Variants in PKN2 observed in about 807,000 individuals in gnomAD.
The protein encoded by PKN2 is serine/threonine-protein kinase N2.
In PKN2, 38 loss-of-function variants were observed where a neutral mutation model predicts 119.1. The ratio of observed to expected loss-of-function variants is 0.32; its 90% CI spans 0.25 to 0.42. The LOEUF (loss-of-function observed/expected upper bound fraction) is 0.42, where lower values mean the gene tolerates loss of function less well. Among genes scored for constraint, PKN2 ranks in the 10% least tolerant of loss-of-function variants. The pLI is 1.00. For missense variants in PKN2, 850 were observed against 1,165.1 expected (o/e 0.73, Z 3.94); for synonymous variants, 390 against 384.9 (o/e 1.01, Z -0.15).
At chr1:88,755,676 T>C (rs1269347686) in intron 2 of PKN2, among the ~76,000 whole-genome samples, 1 of 152,164 alleles carries the variant, frequency 6.6e-6, no homozygotes, top group Non-Finnish European at 1.5e-5. Flanking sequence ...ACCGTCAATT[T>C]GTGGCTAAGG....
intron 12 of PKN2, among the ~76,000 whole-genome samples, chr1:88,806,696 T>C (rs1224497716): frequency 6.6e-6 from 1 of 152,164 alleles, no homozygotes; most frequent in African/African-American, 2.4e-5. Flanking sequence ...ACATACATAA[T>C]AATGTGTTAG....
At chr1:88,733,680 T>C (rs1390246218) in intron 1 of PKN2, among the ~76,000 whole-genome samples, 1 of 152,216 alleles carries the variant, frequency 6.6e-6, no homozygotes, top group East Asian at 1.9e-4. Context: ...GATTTTTAGT[T>C]TGATACAATT....
chr1:88,685,874 T>C (rs915733261), intron 1 of PKN2, among the ~76,000 whole-genome samples: 2 of 152,224 alleles, frequency 1.3e-5, no homozygotes, highest in Admixed American at 6.5e-5. Flanking sequence ...AATCTCTTTA[T>C]AAGTTTGGTT....
intron 8 of PKN2, among the ~76,000 whole-genome samples, chr1:88,790,094 A>G (rs1031831342): frequency 6.6e-6 from 1 of 152,200 alleles, no homozygotes; most frequent in Non-Finnish European, 1.5e-5. Context: ...CTTCCCCATT[A>G]GAAGCATCCT....
At chr1:88,704,415 C>G (rs960473432) in intron 1 of PKN2, among the ~76,000 whole-genome samples, 1 of 152,008 alleles carries the variant, frequency 6.6e-6, no homozygotes, top group African/African-American at 2.4e-5. Flanking sequence ...GGGTTATCAC[C>G]AGGTTTGAGA....
intron 2 of PKN2, among the ~76,000 whole-genome samples, chr1:88,752,380 A>G (rs138028923): frequency 2.6e-5 from 4 of 152,190 alleles, no homozygotes; most frequent in East Asian, 1.9e-4. Context: ...TTATTTCACA[A>G]TCTGTATAGG....
intron 1 of PKN2, among the ~76,000 whole-genome samples, chr1:88,700,050 TG>T (rs1414516561): frequency 6.6e-6 from 1 of 152,160 alleles, no homozygotes; most frequent in African/African-American, 2.4e-5. Context: ...CCCAAAGTGC[TG>T]GAATTACAGG....
chr1:88,742,422 C>T (rs1668611601), intron 2 of PKN2, among the ~76,000 whole-genome samples: 1 of 152,092 alleles, frequency 6.6e-6, no homozygotes, highest in African/African-American at 2.4e-5. Context: ...TATTAGGAGG[C>T]TCTCTGTGTA....
chr1:88,705,878 T>C (rs1666982540), intron 1 of PKN2, among the ~76,000 whole-genome samples: 1 of 152,114 alleles, frequency 6.6e-6, no homozygotes, highest in Admixed American at 6.6e-5. Flanking sequence ...AGTCCCATGC[T>C]GTTTTGATTA....
At chr1:88,733,275 T>G (rs1668214241) in intron 1 of PKN2, among the ~76,000 whole-genome samples, 1 of 152,212 alleles carries the variant, frequency 6.6e-6, no homozygotes, top group South Asian at 2.1e-4. Flanking sequence ...TCATGCTGTT[T>G]TCCATAATGG....
Position 88,824,293 on chromosome 1 carries a change from C to A in PKN2, c.2343-17C>A. 2 of 1,362,386 alleles carry A rather than the reference C, an allele frequency of 1.5e-6. No individual in the cohort carries two copies. Among genetic ancestry groups the A allele is most frequent in the South Asian group, 1.3e-5 (1 of 77,008 alleles). The allele number at this position is 1,362,386 out of a possible 1,614,324, so 84.4% of individuals were successfully genotyped here. On this transcript the variant is annotated splice_polypyrimidine_tract_variant and intron_variant, in intron 17 of 21. Coordinates refer to ENST00000370521, the MANE Select transcript of PKN2 (RefSeq NM_006256.4). ...TTGATTTTTTTTTTTCATGCTGTAT[C>A]TTTTTATCCTGAACAGAGATTTGAA...
chr1:88,800,130 A>G (rs1671247203), intron 8 of PKN2, among the ~76,000 whole-genome samples: 1 of 152,132 alleles, frequency 6.6e-6, no homozygotes, highest in Non-Finnish European at 1.5e-5. Flanking sequence ...AGTGGAGCCC[A>G]GCTCTCCACT....
chr1:88,806,065 G>T, intron 12 of PKN2, 48 bp downstream of exon 12: 1 of 1,507,504 alleles, frequency 6.6e-7, no homozygotes, highest in Non-Finnish European at 9.2e-7. Context: ...GAATGAATTA[G>T]CAATAAAAGC....
chr1:88,801,939 C>A (rs1671327920), intron 8 of PKN2, among the ~76,000 whole-genome samples: 1 of 152,134 alleles, frequency 6.6e-6, no homozygotes, highest in Admixed American at 6.5e-5. Flanking sequence ...CTAAAACTTT[C>A]CTAAATAGGT....
chr1:88,772,245 G>A (rs1364228584), intron 6 of PKN2, among the ~76,000 whole-genome samples: 1 of 152,110 alleles, frequency 6.6e-6, no homozygotes, highest in Non-Finnish European at 1.5e-5. Context: ...TATATAATTT[G>A]TGACCTTTTT....
intron 19 of PKN2, chr1:88,829,210 C>A: frequency 1.4e-6 from 1 of 731,580 alleles, no homozygotes; most frequent in South Asian, 1.4e-5. Context: ...ACAGAACGTA[C>A]ATTAACATCA....
intron 16 of PKN2, chr1:88,815,443 A>G: frequency 2.8e-6 from 1 of 353,684 alleles, no homozygotes; most frequent in Non-Finnish European, 5.4e-6. Context: ...TCTTTTTCAT[A>G]TCATTTTATT....
chr1:88,778,959 G>A (rs1670217537), intron 6 of PKN2, among the ~76,000 whole-genome samples: 1 of 152,186 alleles, frequency 6.6e-6, no homozygotes, highest in African/African-American at 2.4e-5. Flanking sequence ...TCCTGACCTT[G>A]TGATCCGCCC....
chr1:88,825,555 C>T (rs786917), intron 18 of PKN2, among the ~76,000 whole-genome samples: 152,127 of 152,316 alleles, frequency 1, 75,970 homozygotes, highest in Middle Eastern at 1. Context: ...TTCTCTACTT[C>T]CCGTATGTAG....
Sources: allele counts gnomAD v4.1 joint callset (sites outside exome capture counted in the v4.1 genomes callset), GRCh38; gene constraint gnomAD v4.1.1; transcripts MANE v1.5; gene names NCBI Gene and HGNC (gene_info 2026-07-23, HGNC 2026-07-21).